WDPCP: variants seen among roughly 807,000 people sequenced by gnomAD.
WDPCP encodes WD repeat-containing and planar cell polarity effector protein fritz homolog.
A neutral mutation model predicts 93.1 loss-of-function variants in WDPCP; 71 were observed. That is an observed-to-expected ratio of 0.76 (90% CI 0.63 to 0.93). The LOEUF (loss-of-function observed/expected upper bound fraction) is 0.93, where lower values mean the gene tolerates loss of function less well. Among genes scored for constraint, WDPCP ranks in the 40% least tolerant of loss-of-function variants. The pLI is 0.00. For synonymous variants in WDPCP, 315 were observed against 315.0 expected, an observed-to-expected ratio of 1.00 and a Z score of 0.00; for missense variants, 844 against 887.4, an observed-to-expected ratio of 0.95 and a Z score of 0.62.
intron 14 of WDPCP, among the ~76,000 whole-genome samples, chr2:63,182,584 G>A (rs1674328944): frequency 6.6e-6 from 1 of 151,930 alleles, no homozygotes; most frequent in South Asian, 2.1e-4. Flanking sequence ...GTTCATCAGA[G>A]ATTTTGGTCT....
chr2:63,295,632 G>C (rs1559293122), intron 13 of WDPCP, among the ~76,000 whole-genome samples: 1 of 151,884 alleles, frequency 6.6e-6, no homozygotes, highest in Non-Finnish European at 1.5e-5. Context: ...AGATTACTAT[G>C]AACATATATA....
intron 6 of WDPCP, chr2:63,442,670 G>A (rs999198028): frequency 1.3e-5 from 2 of 152,142 alleles, no homozygotes; most frequent in Non-Finnish European, 1.5e-5. Flanking sequence ...CATTGGCTAT[G>A]ATTTCACAAG....
At chr2:63,703,064 T>C (rs1273306618) in intron 2 of WDPCP, among the ~76,000 whole-genome samples, 2 of 152,232 alleles carry the variant, frequency 1.3e-5, no homozygotes, top group Non-Finnish European at 1.5e-5. Flanking sequence ...TCATTTTTTA[T>C]GGCTGCATAG....
chr2:63,260,789 C>A (rs1681558350), intron 13 of WDPCP, among the ~76,000 whole-genome samples: 1 of 152,174 alleles, frequency 6.6e-6, no homozygotes, highest in South Asian at 2.1e-4. Flanking sequence ...ACCTTGTGAT[C>A]TGCCCGCCTC....
intron 1 of WDPCP, among the ~76,000 whole-genome samples, chr2:63,825,919 C>T (rs1000860425): frequency 6.6e-6 from 1 of 152,124 alleles, no homozygotes; most frequent in East Asian, 1.9e-4. Context: ...ATTTCCTTAT[C>T]TACATCTTTG....
At chr2:63,298,183 C>A (rs563680185) in intron 13 of WDPCP, among the ~76,000 whole-genome samples, 4 of 152,116 alleles carry the variant, frequency 2.6e-5, no homozygotes, top group Non-Finnish European at 5.9e-5. Flanking sequence ...GTGGGTGTCA[C>A]GGCCCATAAC....
intron 1 of WDPCP, among the ~76,000 whole-genome samples, chr2:63,556,063 C>T (rs1436373129): frequency 6.6e-6 from 1 of 152,182 alleles, no homozygotes; most frequent in African/African-American, 2.4e-5. Context: ...GCTAAAGGAG[C>T]ATGCTCTAAT....
chr2:63,233,368 C>A, intron 14 of WDPCP: 1 of 258,178 alleles, frequency 3.9e-6, no homozygotes, highest in Non-Finnish European at 7.6e-6. Flanking sequence ...AAAGATGGAA[C>A]CATAAATCCA....
intron 2 of WDPCP, among the ~76,000 whole-genome samples, chr2:63,658,919 C>T (rs755315834): frequency 9.9e-5 from 15 of 152,242 alleles, no homozygotes; most frequent in East Asian, 3.9e-4. Flanking sequence ...CTAGGACTTT[C>T]GTCGTCTTGA....
intron 12 of WDPCP, chr2:63,377,807 ATAT>A (rs1558541877): frequency 1.3e-5 from 2 of 152,714 alleles, no homozygotes; most frequent in African/African-American, 4.8e-5. Flanking sequence ...ATATATATAT[ATAT>A]ACATGCTATT....
intron 3 of WDPCP, among the ~76,000 whole-genome samples, chr2:63,625,990 ATATAGACC>A (rs1709806095): frequency 6.6e-6 from 1 of 152,226 alleles, no homozygotes; most frequent in African/African-American, 2.4e-5. Flanking sequence ...TAAAACAGAT[ATATAGACC>A]TATGGAACAG....
chr2:63,503,701 A>G (rs535950819), intron 1 of WDPCP, among the ~76,000 whole-genome samples: 1 of 152,314 alleles, frequency 6.6e-6, no homozygotes, highest in Non-Finnish European at 1.5e-5. Context: ...ATTTTATGCC[A>G]TACTTGAATA....
chr2:63,679,278 TATGGGCTCCCC>T lies in WDPCP; in HGVS notation n.309-28451_309-28441del, dbSNP rs113578930. On this transcript the variant is annotated intron_variant and non_coding_transcript_variant, in intron 2 of 4. Transcript: ENST00000467687. ...GATTTTTATTCCTGTCAAGTTCCTATATGGGCTCCCCATGGAGTCATGGAATTAATCTGTCT... is the reference window on the plus strand; with the variant it reads ...GATTTTTATTCCTGTCAAGTTCCTATATGGAGTCATGGAATTAATCTGTCT... 9.4e-3 allele frequency among the ~76,000 whole-genome samples: 1,428 copies of T among 152,206 alleles called. 21 individuals are homozygous for T. The highest frequency in any genetic ancestry group is 0.032 in the African/African-American group (1,314 of 41,510).
intron 9 of WDPCP, among the ~76,000 whole-genome samples, chr2:63,410,076 T>A (rs1694914387): frequency 1.3e-5 from 2 of 152,122 alleles, no homozygotes; most frequent in African/African-American, 4.8e-5. Flanking sequence ...CACATTGTCA[T>A]CAGGTTAAGA....
intron 2 of WDPCP, among the ~76,000 whole-genome samples, chr2:63,722,067 C>G (rs1351975250): frequency 6.6e-6 from 1 of 152,146 alleles, no homozygotes; most frequent in African/African-American, 2.4e-5. Context: ...GTGGCGTGAT[C>G]TCGGCTCGCT....
chr2:63,208,764 A>G (rs1000117524), intron 14 of WDPCP, among the ~76,000 whole-genome samples: 5 of 152,118 alleles, frequency 3.3e-5, no homozygotes, highest in African/African-American at 9.7e-5. Flanking sequence ...TCTCCCATGA[A>G]GCTGTTGTTG....
intron 12 of WDPCP, chr2:63,359,673 T>C (rs1690290848): frequency 6.6e-6 from 1 of 152,186 alleles, no homozygotes. Context: ...AGAAATGAAA[T>C]CACATCCATA....
At chr2:63,805,725 T>C (rs775870408) in intron 2 of WDPCP, among the ~76,000 whole-genome samples, 53 of 152,184 alleles carry the variant, frequency 3.5e-4, no homozygotes, top group Non-Finnish European at 6.5e-4. Context: ...TCCATTTCAT[T>C]TCAAAATAAT....
At chr2:63,593,571 A>T, upstream of WDPCP, 1 of 471,524 alleles carries the variant, frequency 2.1e-6, no homozygotes. Context: ...AACTTTAAGT[A>T]AAAAGAAACC....
Sources: allele counts gnomAD v4.1 joint callset (sites outside exome capture counted in the v4.1 genomes callset), GRCh38; gene constraint gnomAD v4.1.1; transcripts MANE v1.5; gene names NCBI Gene and HGNC (gene_info 2026-07-23, HGNC 2026-07-21).